Variants in OR2M2 observed in about 807,000 individuals in gnomAD.
OR2M2 encodes olfactory receptor family 2 subfamily M member 2.
For synonymous variants in OR2M2, 168 were observed against 151.7 expected (o/e 1.11, Z -0.79); for missense variants, 467 against 429.9 (o/e 1.09, Z -0.76).
intron 1 of OR2M2, among the ~76,000 whole-genome samples, chr1:248,175,349 C>T (rs1665847105): frequency 6.6e-6 from 1 of 152,118 alleles, no homozygotes; most frequent in Non-Finnish European, 1.5e-5. Flanking sequence ...GACACTTTTG[C>T]TTTCTAATGT....
At chr1:248,179,080 G>A (rs1014118059) in intron 1 of OR2M2, among the ~76,000 whole-genome samples, 2 of 152,226 alleles carry the variant, frequency 1.3e-5, no homozygotes, top group African/African-American at 4.8e-5. Context: ...CTAAGAGGAC[G>A]AATCTGTCCC....
At chr1:248,175,746 C>G (rs1271947336) in intron 1 of OR2M2, among the ~76,000 whole-genome samples, 1 of 152,038 alleles carries the variant, frequency 6.6e-6, no homozygotes, top group Non-Finnish European at 1.5e-5. Flanking sequence ...TTTACCAGTG[C>G]TTTTGAAAAA....
chr1:248,175,068 G>A (rs1369637934), intron 1 of OR2M2, among the ~76,000 whole-genome samples, 197 bp downstream of exon 1: 5 of 152,050 alleles, frequency 3.3e-5, no homozygotes, highest in African/African-American at 7.2e-5. Flanking sequence ...ACCTGCCCCC[G>A]CTTACCAATG....
rs565850940 is a variant in OR2M2, at chr1:248,179,190, T to C, written c.-18-778T>C. ...CGCTGCCTCCCCTATCACATGGTAT[T>C]CCCAGTGTCTCGGTCTTCACATGGC... On this transcript the variant is annotated intron_variant, in intron 1 of 1. Transcript: ENST00000641836. 1.6e-3 allele frequency among the ~76,000 whole-genome samples: 245 copies of C among 152,272 alleles called. 3 individuals carry two copies. The highest frequency in any genetic ancestry group is 2.8e-3 in the Non-Finnish European group (191 of 68,028).
At chr1:248,179,582 T>C (rs1310185471) in intron 1 of OR2M2, among the ~76,000 whole-genome samples, 1 of 152,232 alleles carries the variant, frequency 6.6e-6, no homozygotes, top group Non-Finnish European at 1.5e-5. Context: ...ATTTGTAGTA[T>C]TGTGTTGGTC....
chr1:248,179,487 T>A (rs1665898992), intron 1 of OR2M2, among the ~76,000 whole-genome samples: 1 of 151,214 alleles, frequency 6.6e-6, no homozygotes, highest in Non-Finnish European at 1.5e-5. Context: ...TATTCTAAAC[T>A]GTAAAGTAAT....
Position 248,180,345 on chromosome 1 carries a change from T to A in OR2M2, c.360T>A (p.Tyr120Ter). The change falls in exon 2 of 2, where the codon TAT becomes TAA. Residue 120 changes from tyrosine (Y) to a stop codon, truncating the protein, a stop_gained. Transcript: ENST00000641836. LOFTEE classifies it low-confidence loss of function (END_TRUNC). ...GTTTTCTTTTGGCTGTTATGGCTTA[T>A]GACCGCTATATTGCTATTTGCCACC... ...SECFLLAVMA[Y>*]DRYIAICHPL... 6.2e-7 allele frequency: 1 copy of A among 1,614,182 alleles called. No homozygotes were observed.
intron 1 of OR2M2, 87 bp from the exon 2 acceptor site, chr1:248,179,881 C>T (rs1450243386): frequency 1.6e-6 from 2 of 1,228,544 alleles, no homozygotes. Flanking sequence ...TATTGATCAC[C>T]CAACTACAGA....
chr1:248,177,117 G>A (rs532035035), intron 1 of OR2M2, among the ~76,000 whole-genome samples: 94 of 152,084 alleles, frequency 6.2e-4, no homozygotes, highest in African/African-American at 2.2e-3. Context: ...GAAATTTGAG[G>A]CAATGAAAGG....
intron 1 of OR2M2, among the ~76,000 whole-genome samples, chr1:248,178,735 T>C (rs1046775094): frequency 4.6e-5 from 7 of 152,190 alleles, no homozygotes; most frequent in Non-Finnish European, 8.8e-5. Flanking sequence ...CCTTTTATGA[T>C]ATAAAGTGGT....
At chr1:248,178,117 G>A (rs1665875868) in intron 1 of OR2M2, 1 of 151,994 alleles carries the variant, frequency 6.6e-6, no homozygotes, top group Non-Finnish European at 1.5e-5. Flanking sequence ...AAAACTCAAA[G>A]AGGTATACTT....
In OR2M2 at chr1:248,177,418, T is replaced by C. The variant is rs148484028; in HGVS notation, c.-19+2547T>C. Among the ~76,000 whole-genome samples, 1,075 of 152,200 alleles carry C rather than the reference T, an allele frequency of 7.1e-3. 7 individuals are homozygous for C. Among genetic ancestry groups the C allele is most frequent in the Non-Finnish European group, 0.011 (715 of 67,938 alleles). ...ATAGGTATAAGCTAACTAGACCAGA[T>C]AGCTTCCTTCTTGGAGTAATACTGC... On this transcript the variant is annotated intron_variant, in intron 1 of 1. Coordinates refer to ENST00000641836, the MANE Select transcript of OR2M2 (RefSeq NM_001004688.2).
chr1:248,180,789 A>C lies in OR2M2; in HGVS notation c.804A>C (p.Pro268=). The C allele has an allele frequency of 6.2e-7, 1 of 1,613,830 alleles. No individual in the cohort carries two copies. The highest frequency in any genetic ancestry group is 8.5e-7 in the Non-Finnish European group (1 of 1,179,850). The change falls in exon 2 of 2, where the codon CCA becomes CCC. Residue 268 remains proline (P), a synonymous_variant. Transcript: ENST00000641836. ...TACGGCCCACATCTGATCACTCCCC[A>C]ACGCAGGACAAGATGGTGTCTGTAT... ...MYIRPTSDHS[P]TQDKMVSVFY...
chr1:248,178,594 C>G (rs957466678), intron 1 of OR2M2, among the ~76,000 whole-genome samples: 2 of 152,128 alleles, frequency 1.3e-5, no homozygotes, highest in Admixed American at 6.5e-5. Flanking sequence ...TGGTCTCTTT[C>G]TCACCTCCTC....
At chr1:248,175,509 A>T (rs1035785535) in intron 1 of OR2M2, among the ~76,000 whole-genome samples, 1 of 152,170 alleles carries the variant, frequency 6.6e-6, no homozygotes, top group Non-Finnish European at 1.5e-5. Context: ...ATCATTATCT[A>T]CATGCAGATA....
rs1340197398 is a variant in OR2M2 at position 248,180,818 on chromosome 1, A to G, written c.833A>G (p.Tyr278Cys). ...PTQDKMVSVF[Y>C]TILTPMLNPL... Reference sequence around the variant, plus strand: ...CAGGACAAGATGGTGTCTGTATTCTACACCATCCTCACTCCCATGCTGAAT... The same window carrying G: ...CAGGACAAGATGGTGTCTGTATTCTGCACCATCCTCACTCCCATGCTGAAT... The change falls in exon 2 of 2, where the codon TAC becomes TGC. Residue 278 changes from tyrosine (Y) to cysteine (C), a missense_variant. Transcript: ENST00000641836. 1 of 1,613,912 alleles carries G rather than the reference A, an allele frequency of 6.2e-7. No homozygotes were observed. The highest frequency in any genetic ancestry group is 1.1e-5 in the South Asian group (1 of 91,064).
At position 248,180,588 on chromosome 1, in the gene OR2M2, C is replaced by G; in HGVS notation, c.603C>G (p.Ile201Met). The G allele has an allele frequency of 1.9e-6, 3 of 1,613,494 alleles. No homozygotes were observed. The highest frequency in any genetic ancestry group is 2.5e-6 in the Non-Finnish European group (3 of 1,179,840). Residue 201 changes from isoleucine (I) to methionine (M), a missense_variant, in exon 2 of 2, where the codon ATC becomes ATG. Ile to Met is a conservative substitution (Grantham distance 10). Coordinates refer to ENST00000641836, the MANE Select transcript of OR2M2 (RefSeq NM_001004688.2). Reference protein sequence around the residue: ...DTSIFEEVIFICCIVMLVFPV... With the variant: ...DTSIFEEVIFMCCIVMLVFPV... ...CAATATTTGAAGAGGTTATTTTCAT[C>G]TGCTGTATAGTAATGCTTGTTTTCC...
chr1:248,177,463 T>C (rs1185882593), intron 1 of OR2M2, among the ~76,000 whole-genome samples: 1 of 151,884 alleles, frequency 6.6e-6, no homozygotes, highest in Non-Finnish European at 1.5e-5. Flanking sequence ...TAAGGAAAAA[T>C]TATGGTGGAA....
rs766420800 is a variant in OR2M2, at chr1:248,180,785, C to A, written c.800C>A (p.Ser267Tyr). ...FMYIRPTSDH[S>Y]PTQDKMVSVF... ...TACATACGGCCCACATCTGATCACTCCCCAACGCAGGACAAGATGGTGTCT... is the reference window on the plus strand; with the variant it reads ...TACATACGGCCCACATCTGATCACTACCCAACGCAGGACAAGATGGTGTCT... The change falls in exon 2 of 2, where the codon TCC becomes TAC. Residue 267 changes from serine (S) to tyrosine (Y), a missense_variant. Transcript: ENST00000641836. The A allele has an allele frequency of 2.5e-6, 4 of 1,613,754 alleles. No homozygotes were observed. In the Admixed American group the frequency reaches 6.7e-5, roughly 27 times the overall value.
Sources: gnomAD v4.1 joint callset for allele counts (sites outside exome capture counted in the v4.1 genomes callset) on GRCh38, gnomAD v4.1.1 for gene constraint, MANE v1.5 for transcripts, NCBI Gene and HGNC (gene_info 2026-07-23, HGNC 2026-07-21) for gene names.